The following DIAPH2 variants were observed in gnomAD, a reference collection of about 807,000 sequenced individuals.
DIAPH2 encodes the protein protein diaphanous homolog 2.
DIAPH2 carries 35 observed loss-of-function variants against 92.7 expected under a neutral mutation model. The ratio of observed to expected loss-of-function variants is 0.38; its 90% CI spans 0.29 to 0.50. DIAPH2 has a LOEUF of 0.50. Ranked by LOEUF, DIAPH2 falls within the 20% of genes least tolerant of loss-of-function variation. DIAPH2 has a pLI of 0.94. For missense variants in DIAPH2, 701 were observed against 819.5 expected, an observed-to-expected ratio of 0.86 and a Z score of 1.77; for synonymous variants, 301 against 280.4, an observed-to-expected ratio of 1.07 and a Z score of -0.73.
At chrX:96,810,206 C>T (rs945472443) in intron 4 of DIAPH2, among the ~76,000 whole-genome samples, 1 of 111,957 alleles carries the variant, frequency 8.9e-6, no homozygotes, top group African/African-American at 3.3e-5. Flanking sequence ...TAATGATTGC[C>T]GTTCTAACTG....
intron 21 of DIAPH2, among the ~76,000 whole-genome samples, chrX:97,126,822 A>C (rs1250193080): frequency 8.9e-6 from 1 of 112,596 alleles, no homozygotes; most frequent in African/African-American, 3.2e-5. Flanking sequence ...TCCAAGATGT[A>C]CTTTTCTTCT....
chrX:96,738,813 A>G (rs1279693075), intron 3 of DIAPH2, 51 bp downstream of exon 3: 2 of 1,034,327 alleles, frequency 1.9e-6, no homozygotes, highest in Admixed American at 2.4e-5. Context: ...TGTGCCCAGA[A>G]TAGCACTGAG....
chrX:97,141,832 C>G, intron 22 of DIAPH2, 38 bp downstream of exon 22: 2 of 1,158,902 alleles, frequency 1.7e-6, no homozygotes, highest in Non-Finnish European at 2.3e-6. Context: ...TATCTCTTGC[C>G]TATATGGTTT....
At chrX:97,406,871 C>G (rs1168081613) in intron 25 of DIAPH2, among the ~76,000 whole-genome samples, 1 of 110,770 alleles carries the variant, frequency 9.0e-6, no homozygotes, top group African/African-American at 3.3e-5. Context: ...GCCAAGGAAC[C>G]TTTAGTAACC....
intron 10 of DIAPH2, among the ~76,000 whole-genome samples, chrX:96,935,261 A>G (rs2065649412): frequency 9.0e-6 from 1 of 111,541 alleles, no homozygotes; most frequent in African/African-American, 3.2e-5. Flanking sequence ...ATTTTTATTC[A>G]GTAAATGATT....
chrX:97,536,769 G>C (rs990747366), intron 26 of DIAPH2, among the ~76,000 whole-genome samples: 2 of 111,520 alleles, frequency 1.8e-5, no homozygotes, highest in African/African-American at 6.5e-5. Context: ...CAAAGAGCAT[G>C]TCATCAGATT....
chrX:97,248,265 G>T (rs2068158677), intron 23 of DIAPH2, among the ~76,000 whole-genome samples: 1 of 111,239 alleles, frequency 9.0e-6, no homozygotes, highest in African/African-American at 3.3e-5. Flanking sequence ...ACAATAAGAG[G>T]ATAACTAATA....
chrX:97,056,879 G>A (rs1263507643), intron 17 of DIAPH2, among the ~76,000 whole-genome samples: 2 of 111,997 alleles, frequency 1.8e-5, no homozygotes, highest in African/African-American at 6.5e-5. Context: ...TGCATTGAAA[G>A]CATAGGTTTG....
At chrX:97,103,905 T>C (rs765770832) in intron 20 of DIAPH2, among the ~76,000 whole-genome samples, 2 of 111,736 alleles carry the variant, frequency 1.8e-5, no homozygotes, top group East Asian at 5.7e-4. Context: ...TACCATGTTC[T>C]TTCCTGCTTA....
intron 3 of DIAPH2, among the ~76,000 whole-genome samples, chrX:96,757,362 C>T (rs1372414800): frequency 8.9e-6 from 1 of 111,924 alleles, no homozygotes; most frequent in Non-Finnish European, 1.9e-5. Flanking sequence ...CCATTTTCAC[C>T]TATTCTGTAG....
At chrX:97,099,238 C>G (rs2066889715) in intron 19 of DIAPH2, among the ~76,000 whole-genome samples, 1 of 110,408 alleles carries the variant, frequency 9.1e-6, no homozygotes, top group Non-Finnish European at 1.9e-5. Flanking sequence ...TGGTGGCGGG[C>G]GCCTGTTATC....
chrX:97,142,026 T>G (rs372905594), intron 22 of DIAPH2, among the ~76,000 whole-genome samples: 67 of 112,121 alleles, frequency 6.0e-4, no homozygotes, highest in African/African-American at 2.0e-3. Context: ...AGCTTTCATT[T>G]CTCTGATCAG....
At chrX:97,054,826 C>T (rs891336975) in intron 17 of DIAPH2, among the ~76,000 whole-genome samples, 1 of 110,096 alleles carries the variant, frequency 9.1e-6, no homozygotes. Context: ...AAAAAGATAA[C>T]CCCAGTAATG....
At chrX:97,371,328 G>A (rs768383160) in intron 24 of DIAPH2, among the ~76,000 whole-genome samples, 6 of 111,114 alleles carry the variant, frequency 5.4e-5, no homozygotes, top group African/African-American at 2.0e-4. Context: ...ATTCACCTGC[G>A]TTGCATTTAG....
intron 4 of DIAPH2, among the ~76,000 whole-genome samples, chrX:96,850,533 C>A (rs2065000366): frequency 8.9e-6 from 1 of 112,131 alleles, no homozygotes; most frequent in Admixed American, 9.5e-5. Context: ...ATTCTCATAA[C>A]CATTATGTGA....
At chrX:97,116,167 G>A (rs773983085) in intron 21 of DIAPH2, among the ~76,000 whole-genome samples, 27 of 111,692 alleles carry the variant, frequency 2.4e-4, no homozygotes, top group Non-Finnish European at 4.3e-4. Flanking sequence ...CATATACATG[G>A]ACTAGCACTT....
chrX:97,112,765 C>CTTTTTTTTTTTTTTTTTTTT (rs60721723), intron 20 of DIAPH2, among the ~76,000 whole-genome samples: 2 of 37,245 alleles, frequency 5.4e-5, no homozygotes, highest in African/African-American at 2.4e-4. Flanking sequence ...CCCTTTCTTT[C>CTTTTTTTTTTTTTTTTTTTT]TTTTTTTTTT....
intron 9 of DIAPH2, among the ~76,000 whole-genome samples, chrX:96,919,006 A>T (rs779367480): frequency 8.9e-6 from 1 of 112,073 alleles, no homozygotes; most frequent in South Asian, 3.7e-4. Flanking sequence ...TGCCATTCAG[A>T]CAATATTCAA....
At chrX:97,370,507 TG>T (rs947483368) in intron 24 of DIAPH2, among the ~76,000 whole-genome samples, 2 of 112,264 alleles carry the variant, frequency 1.8e-5, no homozygotes, top group African/African-American at 6.5e-5. Context: ...GAGGTGTAAC[TG>T]TTTTTTAAAG....
Sources: gnomAD v4.1 joint callset for allele counts (sites outside exome capture counted in the v4.1 genomes callset) on GRCh38, gnomAD v4.1.1 for gene constraint, MANE v1.5 for transcripts, NCBI Gene and HGNC (gene_info 2026-07-23, HGNC 2026-07-21) for gene names.